PREX1: variants seen among roughly 807,000 people sequenced by gnomAD.
The protein encoded by PREX1 is phosphatidylinositol-3,4,5-trisphosphate dependent Rac exchange factor 1.
A neutral mutation model predicts 198.3 loss-of-function variants in PREX1; 41 were observed. That is an observed-to-expected ratio of 0.21 (90% CI 0.16 to 0.27). The LOEUF (loss-of-function observed/expected upper bound fraction) is 0.27. Among genes scored for constraint, PREX1 ranks in the 10% least tolerant of loss-of-function variants. PREX1 has a pLI of 1.00. For missense variants in PREX1, 1,620 were observed against 2,200.7 expected, an observed-to-expected ratio of 0.74 and a Z score of 5.28; for synonymous variants, 843 against 887.2, an observed-to-expected ratio of 0.95 and a Z score of 0.89.
At chr20:48,878,825 A>C in the PREX1 span, among the ~76,000 whole-genome samples, 1 of 152,160 alleles carries the variant, frequency 6.6e-6, no homozygotes, top group Non-Finnish European at 1.5e-5. Context: ...ATGTGACCCA[A>C]CTCAATCTAA....
At chr20:48,647,064 T>C (rs1272297119) in intron 25 of PREX1, among the ~76,000 whole-genome samples, 1 of 151,964 alleles carries the variant, frequency 6.6e-6, no homozygotes, top group Non-Finnish European at 1.5e-5. Flanking sequence ...ACCGCATCTC[T>C]GTAACAAATA....
chr20:48,779,477 T>C (rs1009603023), intron 1 of PREX1, among the ~76,000 whole-genome samples: 1 of 152,196 alleles, frequency 6.6e-6, no homozygotes, highest in African/African-American at 2.4e-5. Context: ...CTACTTACCA[T>C]ATGGCCCAAC....
chr20:48,692,291 C>A, intron 8 of PREX1: 1 of 188,406 alleles, frequency 5.3e-6, no homozygotes, highest in South Asian at 1.0e-4. Flanking sequence ...TGTAAAGCCA[C>A]TTAAACATAT....
the PREX1 span, among the ~76,000 whole-genome samples, chr20:48,838,420 A>G: frequency 6.6e-6 from 1 of 152,204 alleles, no homozygotes; most frequent in African/African-American, 2.4e-5. Flanking sequence ...CATTCAGACA[A>G]ACTTCGATGC....
intron 1 of PREX1, among the ~76,000 whole-genome samples, chr20:48,822,514 T>A (rs763784019): frequency 6.6e-6 from 1 of 152,236 alleles, no homozygotes; most frequent in Non-Finnish European, 1.5e-5. Flanking sequence ...AAGGAACTTA[T>A]AAACAGGGCT....
chr20:48,823,527 C>T (rs945117733), intron 1 of PREX1, among the ~76,000 whole-genome samples: 1 of 152,162 alleles, frequency 6.6e-6, no homozygotes, highest in Non-Finnish European at 1.5e-5. Flanking sequence ...TGGAAGAAGC[C>T]TGGATTTGAA....
rs1306346378 is a variant in PREX1, at chr20:48,745,015, T to C, written c.414+10A>G. Reference sequence around the variant, plus strand: ...CTAGAGTCCACCAGGGGCAGTGGCATGGTACTCACGAATTTTAAGAAAACA... The same window carrying C: ...CTAGAGTCCACCAGGGGCAGTGGCACGGTACTCACGAATTTTAAGAAAACA... On this transcript the variant is annotated intron_variant, in intron 3 of 39. Transcript: ENST00000371941. The C allele has an allele frequency of 3.7e-6, 6 of 1,613,630 alleles. No homozygotes were observed. The highest frequency in any genetic ancestry group is 5.1e-6 in the Non-Finnish European group (6 of 1,179,598).
At chr20:48,695,179 T>C (rs2123054811) in intron 7 of PREX1, among the ~76,000 whole-genome samples, 1 of 152,312 alleles carries the variant, frequency 6.6e-6, no homozygotes, top group Non-Finnish European at 1.5e-5. Flanking sequence ...CCTCTTCCCC[T>C]GACAAGGGTA....
chr20:48,655,480 GA>G, intron 18 of PREX1, 105 bp from the exon 19 acceptor site: 1 of 1,013,458 alleles, frequency 9.9e-7, no homozygotes, highest in Non-Finnish European at 1.4e-6. Flanking sequence ...GAAACACTGG[GA>G]AAATTCAGCC....
At chr20:48,763,270 C>T (rs2090192027) in intron 1 of PREX1, among the ~76,000 whole-genome samples, 1 of 152,244 alleles carries the variant, frequency 6.6e-6, no homozygotes, top group Non-Finnish European at 1.5e-5. Flanking sequence ...CAGCACCAGC[C>T]CTCGCCCATC....
intron 29 of PREX1, among the ~76,000 whole-genome samples, chr20:48,641,019 G>A (rs114234544): frequency 6.6e-6 from 1 of 151,996 alleles, no homozygotes; most frequent in African/African-American, 2.4e-5. Context: ...ATGGATGAGT[G>A]GATGGATAGA....
intron 5 of PREX1, among the ~76,000 whole-genome samples, chr20:48,710,518 C>G (rs1053421507): frequency 6.6e-6 from 1 of 152,198 alleles, no homozygotes; most frequent in African/African-American, 2.4e-5. Flanking sequence ...TTGGCAGATG[C>G]AAGACCTGAG....
intron 1 of PREX1, among the ~76,000 whole-genome samples, chr20:48,772,112 C>T (rs6125462): frequency 1.3e-5 from 2 of 151,944 alleles, no homozygotes; most frequent in African/African-American, 2.4e-5. Context: ...GAGAATCGCT[C>T]GAACCTGGGA....
intron 1 of PREX1, among the ~76,000 whole-genome samples, chr20:48,777,642 C>T (rs186044542): frequency 1.2e-4 from 19 of 152,264 alleles, no homozygotes; most frequent in Admixed American, 1.2e-3. Context: ...ATATAAAGAC[C>T]AAGGCCTGAA....
At chr20:48,865,899 G>A in the PREX1 span, among the ~76,000 whole-genome samples, 17 of 152,084 alleles carry the variant, frequency 1.1e-4, no homozygotes, top group Admixed American at 2.6e-4. Flanking sequence ...ACTGGGAGAC[G>A]GGACAAGGGG....
chr20:48,719,324 C>A (rs2089975699), intron 5 of PREX1, among the ~76,000 whole-genome samples: 1 of 151,934 alleles, frequency 6.6e-6, no homozygotes, highest in Non-Finnish European at 1.5e-5. Flanking sequence ...AACTCCCCAA[C>A]AAGGGGTGTC....
intron 14 of PREX1, 113 bp downstream of exon 14, chr20:48,676,080 G>C: frequency 9.9e-7 from 1 of 1,010,856 alleles, no homozygotes. Context: ...TTTATGTTCT[G>C]TGCAGTTTGC....
rs932105050 is a variant in PREX1, at chr20:48,827,366, G to A, written c.219+276C>T. Among the ~76,000 whole-genome samples the A allele has an allele frequency of 5.9e-5, 9 of 152,232 alleles. No individual in the cohort carries two copies. Among genetic ancestry groups the A allele is most frequent in the South Asian group, 2.1e-4 (1 of 4,832 alleles). On this transcript the variant is annotated intron_variant, in intron 1 of 39. Transcript: ENST00000371941. The surrounding 1 kb of genome is among the most constrained non-coding windows in gnomAD (Gnocchi z 4.1). ...TAACTAATTTTAAAACTATTTGAAA[G>A]GCGGGGACGGGGAAGAAAAGACAAA...
chr20:48,661,622 A>G (rs2089597351), intron 15 of PREX1, among the ~76,000 whole-genome samples: 1 of 148,878 alleles, frequency 6.7e-6, no homozygotes, highest in African/African-American at 2.5e-5. Flanking sequence ...AATAACCAGT[A>G]TCAACCAATT....
Sources: allele counts gnomAD v4.1 joint callset (sites outside exome capture counted in the v4.1 genomes callset), GRCh38; gene constraint gnomAD v4.1.1; non-coding constraint Gnocchi (gnomAD v3.1); transcripts MANE v1.5; gene names NCBI Gene and HGNC (gene_info 2026-07-23, HGNC 2026-07-21).